PLEKHA8: variants seen among roughly 807,000 people sequenced by gnomAD.
PLEKHA8 encodes the protein pleckstrin homology domain-containing family A member 8.
Under a neutral mutation model 68.2 loss-of-function variants are expected in PLEKHA8, and 36 were observed. That is an observed-to-expected ratio of 0.53 (90% confidence interval 0.40 to 0.70). PLEKHA8 has a LOEUF of 0.70. Among genes scored for constraint, PLEKHA8 ranks in the 30% least tolerant of loss-of-function variants. The pLI, the probability that PLEKHA8 is intolerant of heterozygous loss-of-function variation, is 0.00. For synonymous variants in PLEKHA8, 211 were observed against 216.1 expected (o/e 0.98, Z 0.20); for missense variants, 505 against 615.4 (o/e 0.82, Z 1.90).
rs141155848 is a variant in PLEKHA8, at chr7:30,039,854, A to G, written c.41-5231A>G. Among the ~76,000 whole-genome samples, 774 of 152,246 alleles carry G rather than the reference A, an allele frequency of 5.1e-3. 1 individual carries two copies. The highest frequency in any genetic ancestry group is 8.0e-3 in the Non-Finnish European group (545 of 68,022). On this transcript the variant is annotated intron_variant, in intron 1 of 13. Transcript: ENST00000449726. ...AGCTAGGTTTGCTTCTTTCTTTCCA[A>G]TCTAGATGTCTTTTATTTCACTTAT...
chr7:30,104,713 CTTTTTTT>C (rs34669397), intron 13 of PLEKHA8, among the ~76,000 whole-genome samples: 6 of 102,864 alleles, frequency 5.8e-5, no homozygotes, highest in African/African-American at 1.4e-4. Context: ...GTCACAACAG[CTTTTTTT>C]TTTTTTTTTT....
At chr7:30,069,039 C>T (rs1299906016) in intron 12 of PLEKHA8, among the ~76,000 whole-genome samples, 3 of 152,184 alleles carry the variant, frequency 2.0e-5, no homozygotes, top group Non-Finnish European at 2.9e-5. Context: ...GTTCTAGACT[C>T]CATATTCTGG....
intron 13 of PLEKHA8, among the ~76,000 whole-genome samples, chr7:30,096,555 C>A (rs1583464818): frequency 6.6e-6 from 1 of 152,200 alleles, no homozygotes; most frequent in South Asian, 2.1e-4. Flanking sequence ...GAACTTCCAA[C>A]ACTACGTTGA....
intron 13 of PLEKHA8, among the ~76,000 whole-genome samples, chr7:30,113,695 T>C (rs1796339902): frequency 1.3e-5 from 2 of 152,142 alleles, no homozygotes; most frequent in South Asian, 4.1e-4. Flanking sequence ...TTCTATTAAA[T>C]ACATATTGGA....
chr7:30,076,287 T>A (rs761334610), intron 13 of PLEKHA8, among the ~76,000 whole-genome samples: 1 of 152,212 alleles, frequency 6.6e-6, no homozygotes, highest in Non-Finnish European at 1.5e-5. Context: ...TATGGAGATA[T>A]CATAATTTAT....
At chr7:30,112,382 TA>T (rs573710434) in intron 13 of PLEKHA8, among the ~76,000 whole-genome samples, 3,857 of 142,042 alleles carry the variant, frequency 0.027, 80 homozygotes, top group African/African-American at 0.055. Flanking sequence ...GATAACTCCT[TA>T]AAAAAAAAAA....
intron 1 of PLEKHA8, among the ~76,000 whole-genome samples, chr7:30,036,983 G>A (rs778501139): frequency 2.0e-5 from 3 of 152,132 alleles, no homozygotes; most frequent in Non-Finnish European, 2.9e-5. Flanking sequence ...TTTGCTGTCC[G>A]CATCCCTGTC....
At chr7:30,115,982 ATGTATG>A (rs1796503317) in intron 13 of PLEKHA8, 4 of 139,468 alleles carry the variant, frequency 2.9e-5, no homozygotes, top group Non-Finnish European at 4.8e-5. Flanking sequence ...GCATGCATGC[ATGTATG>A]CATACGCATA....
At chr7:30,115,856 A>G (rs1184736788) in intron 13 of PLEKHA8, 6 of 150,232 alleles carry the variant, frequency 4.0e-5, no homozygotes, top group Admixed American at 6.6e-5. Context: ...GTATGCATAC[A>G]TACGTGCACA....
intron 13 of PLEKHA8, among the ~76,000 whole-genome samples, chr7:30,111,221 A>C (rs1459373225): frequency 6.6e-6 from 1 of 152,046 alleles, no homozygotes; most frequent in African/African-American, 2.4e-5. Context: ...GAGTTTTAAG[A>C]GTTCTTTATA....
In PLEKHA8 at chr7:30,078,650, G is replaced by T; in HGVS notation, c.1423G>T (p.Gly475Cys). Residue 475 changes from glycine (G) to cysteine (C), a missense_variant, in exon 14 of 14, where the codon GGT becomes TGT. Transcript: ENST00000449726. ...TGTGGCCGCGTTAACCGTAAAGGAA[G>T]GTGACCACCAGAAAGAAGCTTTCAG... ...DFVAALTVKE[G>C]DHQKEAFSIG... 2 of 1,613,890 alleles carry T rather than the reference G, an allele frequency of 1.2e-6. No individual in the cohort carries two copies. Among genetic ancestry groups the T allele is most frequent in the Non-Finnish European group, 1.7e-6 (2 of 1,179,870 alleles).
At position 30,080,074 on chromosome 7, in the gene PLEKHA8, A is replaced by T; in HGVS notation, c.*1287A>T. 7 of 985,354 alleles carry T rather than the reference A, an allele frequency of 7.1e-6. No individual in the cohort carries two copies. The highest frequency in any genetic ancestry group is 8.4e-6 in the Non-Finnish European group (7 of 829,910). The allele number at this position is 985,354 out of a possible 1,614,324, so 61.0% of individuals were successfully genotyped here. On this transcript the variant is annotated 3_prime_UTR_variant, in exon 14 of 14. Transcript: ENST00000449726. ...TGACTCTGAATCTGCTTACCAATCA[A>T]TCTCGGTTTAATCACCAAAAGTGCA...
intron 4 of PLEKHA8, among the ~76,000 whole-genome samples, chr7:30,048,270 T>G (rs930017133): frequency 6.6e-5 from 10 of 152,212 alleles, no homozygotes; most frequent in Non-Finnish European, 1.0e-4. Context: ...TTTGGAACCT[T>G]TAACTTTAGT....
At chr7:30,092,019 T>C (rs920206377), downstream of PLEKHA8, among the ~76,000 whole-genome samples, 1 of 152,218 alleles carries the variant, frequency 6.6e-6, no homozygotes, top group Admixed American at 6.5e-5. Context: ...CTGTATTCTC[T>C]TGTGGCATGT....
intron 13 of PLEKHA8, among the ~76,000 whole-genome samples, chr7:30,098,562 C>T (rs1048580906): frequency 6.6e-6 from 1 of 152,246 alleles, no homozygotes; most frequent in African/African-American, 2.4e-5. Flanking sequence ...TCGCTGCCGC[C>T]TTGCAGTTTG....
At chr7:30,115,884 A>C (rs576514356) in intron 13 of PLEKHA8, 1 of 145,016 alleles carries the variant, frequency 6.9e-6, no homozygotes, top group Non-Finnish European at 1.5e-5. Context: ...AGGCACGCAT[A>C]CATGCGTATA....
intron 1 of PLEKHA8, among the ~76,000 whole-genome samples, chr7:30,040,582 C>G (rs184846376): frequency 2.0e-5 from 3 of 152,288 alleles, no homozygotes; most frequent in African/African-American, 7.2e-5. Flanking sequence ...TGGAGCTGGT[C>G]ACCCCCACCC....
chr7:30,070,039 G>A (rs1359133573), intron 12 of PLEKHA8, among the ~76,000 whole-genome samples: 1 of 152,042 alleles, frequency 6.6e-6, no homozygotes, highest in Non-Finnish European at 1.5e-5. Context: ...ACCAAAATAG[G>A]TCAGGCTTAG....
intron 6 of PLEKHA8, among the ~76,000 whole-genome samples, chr7:30,051,422 ATACTTTTCCT>A (rs1792402357): frequency 6.6e-6 from 1 of 151,768 alleles, no homozygotes; most frequent in East Asian, 1.9e-4. Flanking sequence ...AAAATAGCAA[ATACTTTTCCT>A]GTAGTTACTA....
Sources: gnomAD v4.1 joint callset for allele counts (sites outside exome capture counted in the v4.1 genomes callset) on GRCh38, gnomAD v4.1.1 for gene constraint, MANE v1.5 for transcripts, NCBI Gene and HGNC (gene_info 2026-07-23, HGNC 2026-07-21) for gene names.